Variants in NPLOC4 observed in about 807,000 individuals in gnomAD.
NPLOC4 encodes NPL4 homolog, ubiquitin recognition factor, also known as nuclear protein localization protein 4 homolog.
A neutral mutation model predicts 80.6 loss-of-function variants in NPLOC4; 18 were observed. The ratio of observed to expected loss-of-function variants is 0.22; its 90% CI spans 0.15 to 0.33. The LOEUF (loss-of-function observed/expected upper bound fraction) is 0.33. NPLOC4 is among the 10% of genes least tolerant of loss of function. NPLOC4 has a pLI of 1.00. For missense variants in NPLOC4, 540 were observed against 786.1 expected (o/e 0.69, Z 3.74); for synonymous variants, 313 against 301.5 (o/e 1.04, Z -0.39).
chr17:81,595,652 C>T (rs2034890294), intron 11 of NPLOC4, among the ~76,000 whole-genome samples: 1 of 151,574 alleles, frequency 6.6e-6, no homozygotes, highest in Non-Finnish European at 1.5e-5. Flanking sequence ...TCAAGTGATT[C>T]TCCTGCCTCA....
chr17:81,607,098 G>C (rs11652797), intron 6 of NPLOC4, among the ~76,000 whole-genome samples: 1 of 151,936 alleles, frequency 6.6e-6, no homozygotes. Flanking sequence ...ACTAACATCC[G>C]AGAAAGCTTT....
intron 2 of NPLOC4, among the ~76,000 whole-genome samples, chr17:81,624,788 G>A (rs552871505): frequency 6.6e-6 from 1 of 152,290 alleles, no homozygotes; most frequent in Non-Finnish European, 1.5e-5. Flanking sequence ...GGGTAAGCCC[G>A]CCACACGCGA....
chr17:81,582,001 C>T (rs1159057254), intron 12 of NPLOC4, among the ~76,000 whole-genome samples: 1 of 152,212 alleles, frequency 6.6e-6, no homozygotes, highest in African/African-American at 2.4e-5. Flanking sequence ...GGTGGACCCA[C>T]CACACCCTAG....
At chr17:81,589,402 G>A (rs1192543402) in intron 11 of NPLOC4, among the ~76,000 whole-genome samples, 2 of 151,968 alleles carry the variant, frequency 1.3e-5, no homozygotes, top group African/African-American at 4.8e-5. Flanking sequence ...GGTGGCGGGC[G>A]CCTGTAGTCC....
rs116111249 is a variant in NPLOC4, at chr17:81,558,729, C to T, written c.*530G>A. On this transcript the variant is annotated 3_prime_UTR_variant, in exon 17 of 17. Coordinates refer to ENST00000331134, the MANE Select transcript of NPLOC4 (RefSeq NM_017921.4). ...GACCTGCAGACCTGCAGAGGGGAGC[C>T]GTGTCCAGGGCCACTGCGTCCCCAC... is the stretch of plus-strand genomic sequence containing the variant. The T allele has an allele frequency of 0.011, 1,745 of 152,556 alleles. 37 individuals are homozygous for T. Among genetic ancestry groups the T allele is most frequent in the African/African-American group, 0.037 (1,531 of 41,550 alleles). The allele number at this position is 152,556 out of a possible 1,614,324, so 9.5% of individuals were successfully genotyped here. A position where few individuals can be genotyped will look rare whatever the true frequency, so the allele number is the denominator to read the frequency against.
At chr17:81,632,328 CTT>C (rs58346580) in intron 1 of NPLOC4, among the ~76,000 whole-genome samples, 9 of 140,038 alleles carry the variant, frequency 6.4e-5, no homozygotes, top group East Asian at 2.1e-4. Context: ...TTTTTTATTT[CTT>C]TTTTTTTTTT....
Position 81,559,247 on chromosome 17 carries a change from A to T in NPLOC4, c.*12T>A. ...GGCTGGGCCCGGTCCTAGCCAGCAGAGGGCAGGCGCCCTAGGTCCTGGGGA... is the reference window on the plus strand; with the variant it reads ...GGCTGGGCCCGGTCCTAGCCAGCAGTGGGCAGGCGCCCTAGGTCCTGGGGA... On this transcript the variant is annotated 3_prime_UTR_variant, in exon 17 of 17. Transcript: ENST00000331134. 1.3e-6 allele frequency: 2 copies of T among 1,593,682 alleles called. No homozygotes were observed. Among genetic ancestry groups the T allele is most frequent in the Non-Finnish European group, 1.7e-6 (2 of 1,171,248 alleles).
chr17:81,586,257 GAC>G (rs2034579617), intron 12 of NPLOC4, among the ~76,000 whole-genome samples: 2 of 152,112 alleles, frequency 1.3e-5, no homozygotes, highest in Non-Finnish European at 2.9e-5. Flanking sequence ...AGACTCTGGA[GAC>G]ACAGGAATTT....
intron 11 of NPLOC4, among the ~76,000 whole-genome samples, chr17:81,595,519 TAC>T (rs1269635274): frequency 4.2e-5 from 5 of 118,740 alleles, no homozygotes; most frequent in African/African-American, 1.2e-4. Flanking sequence ...TATATACATA[TAC>T]ATATATATAT....
intron 12 of NPLOC4, among the ~76,000 whole-genome samples, chr17:81,584,263 C>CTA (rs1426434907): frequency 6.6e-6 from 1 of 152,146 alleles, no homozygotes; most frequent in East Asian, 1.9e-4. Flanking sequence ...TCCTACAGGG[C>CTA]TATAAACAAT....
At chr17:81,633,872 A>T (rs1598700257) in intron 1 of NPLOC4, among the ~76,000 whole-genome samples, 1 of 143,572 alleles carries the variant, frequency 7.0e-6, no homozygotes, top group Admixed American at 7.0e-5. Context: ...CGCCCAGCTA[A>T]TTTTTTTTTT....
At chr17:81,597,952 G>A (rs369877767) in intron 9 of NPLOC4, among the ~76,000 whole-genome samples, 31 of 147,678 alleles carry the variant, frequency 2.1e-4, no homozygotes, top group South Asian at 1.1e-3. Flanking sequence ...AAAATTAGCC[G>A]GGCGTGGTGG....
intron 12 of NPLOC4, among the ~76,000 whole-genome samples, chr17:81,588,697 G>T (rs927953537): frequency 3.9e-5 from 6 of 152,210 alleles, no homozygotes; most frequent in Admixed American, 3.3e-4. Context: ...GCAATGGTCG[G>T]ATTTGGTGTT....
At chr17:81,621,528 G>A (rs1598681319) in intron 3 of NPLOC4, among the ~76,000 whole-genome samples, 2 of 152,148 alleles carry the variant, frequency 1.3e-5, no homozygotes, top group East Asian at 3.8e-4. Flanking sequence ...AGGCACATGT[G>A]AGTAAGTGCC....
At chr17:81,616,557 C>T (rs1392481546) in intron 3 of NPLOC4, among the ~76,000 whole-genome samples, 8 of 151,580 alleles carry the variant, frequency 5.3e-5, no homozygotes, top group African/African-American at 1.7e-4. Context: ...GGTGAAACCC[C>T]GTCTCTACTA....
chr17:81,615,082 C>A (rs2035442963), intron 3 of NPLOC4, among the ~76,000 whole-genome samples: 1 of 148,746 alleles, frequency 6.7e-6, no homozygotes, highest in Non-Finnish European at 1.5e-5. Flanking sequence ...AACATTACCA[C>A]ATCAGAGACG....
At chr17:81,561,398 T>C (rs575697072) in intron 16 of NPLOC4, among the ~76,000 whole-genome samples, 23 of 152,324 alleles carry the variant, frequency 1.5e-4, no homozygotes, top group Non-Finnish European at 2.2e-4. Context: ...GCGTCCCCCA[T>C]TGGTGCCTTT....
At chr17:81,598,995 A>T (rs553427591) in intron 9 of NPLOC4, among the ~76,000 whole-genome samples, 1 of 152,302 alleles carries the variant, frequency 6.6e-6, no homozygotes, top group South Asian at 2.1e-4. Context: ...GGGCTTAGAA[A>T]CTCATATTTT....
intron 2 of NPLOC4, among the ~76,000 whole-genome samples, chr17:81,626,010 G>GT (rs1336745229): frequency 6.6e-6 from 1 of 152,002 alleles, no homozygotes; most frequent in South Asian, 2.1e-4. Flanking sequence ...TTAGACAGGT[G>GT]TGGTGGTGCA....
Sources: allele counts gnomAD v4.1 joint callset (sites outside exome capture counted in the v4.1 genomes callset), GRCh38; gene constraint gnomAD v4.1.1; transcripts MANE v1.5; gene names NCBI Gene and HGNC (gene_info 2026-07-23, HGNC 2026-07-21).